Variants in HIPK1 observed in about 807,000 individuals in gnomAD.
HIPK1 encodes homeodomain interacting protein kinase 1, also known as homeodomain-interacting protein kinase 1.
A neutral mutation model predicts 117.1 loss-of-function variants in HIPK1; 28 were observed. The ratio of observed to expected loss-of-function variants is 0.24; its 90% confidence interval spans 0.18 to 0.33. HIPK1 has a LOEUF of 0.33. HIPK1 is among the 10% of genes least tolerant of loss of function. The pLI, the probability that HIPK1 is intolerant of heterozygous loss-of-function variation, is 1.00. For missense variants in HIPK1, 1,122 were observed against 1,475.1 expected, an observed-to-expected ratio of 0.76 and a Z score of 3.92; for synonymous variants, 605 against 562.5, an observed-to-expected ratio of 1.08 and a Z score of -1.07.
rs764923136 is a variant in HIPK1, at chr1:113,967,781, T to G, written c.2397T>G (p.His799Gln). ...QLADWRNAHS[H>Q]GNQYSTIMQQ... ...GTTGGTACAGGAATGCCCACTCTCA[T>G]GGCAACCAGTACAGCACTATCATGC... The change falls in exon 12 of 16, where the codon CAT becomes CAG. Residue 799 changes from histidine to glutamine, a missense_variant. This residue lies in a region of HIPK1 where 731 missense variants were observed against 860.4 expected (regional missense o/e 0.85). Coordinates refer to ENST00000426820, the MANE Select transcript of HIPK1 (RefSeq NM_198268.3). 33 of 1,536,726 alleles carry G rather than the reference T, an allele frequency of 2.1e-5. No homozygotes were observed. The East Asian group carries it at 7.5e-4, about 35-fold the overall frequency.
Position 113,940,811 on chromosome 1 carries a change from C to T in HIPK1, c.428C>T (p.Pro143Leu), listed in dbSNP as rs755515127. 6 of 1,614,004 alleles carry T rather than the reference C, an allele frequency of 3.7e-6. No individual in the cohort carries two copies. The East Asian group carries it at 1.3e-4, about 36-fold the overall frequency. Reference protein sequence around the residue: ...NGSVQIIEEHPPLMLQNRTVV... With the variant: ...NGSVQIIEEHLPLMLQNRTVV... ...AGTGTGCAGATCATAGAAGAACATC[C>T]CCCTCTCATGCTGCAAAACAGGACT... Residue 143 changes from proline to leucine, a missense_variant, in exon 2 of 16, where the codon CCC becomes CTC. Physicochemically the swap from Pro to Leu is moderately conservative, Grantham distance 98. Transcript: ENST00000426820.
In HIPK1 at chr1:113,941,548, A is replaced by G. The variant is rs1334572788; in HGVS notation, c.1076+89A>G. 1.0e-6 allele frequency: 1 copy of G among 973,898 alleles called. No individual in the cohort carries two copies. The highest frequency in any genetic ancestry group is 1.5e-6 in the Non-Finnish European group (1 of 648,312). 60.3% of individuals were successfully genotyped at this position (973,898 alleles called of 1,614,324 possible). On this transcript the variant is annotated intron_variant, in intron 2 of 15. Transcript: ENST00000426820. This position sits in a 1 kb window ranked among gnomAD's most constrained non-coding sequence, Gnocchi z 4.9. The stretch of plus-strand genomic sequence containing the variant: ...CCCCGTAGGCTACATATAGCAATGA[A>G]TTTGTTTATAGATTCTGAGATAGAA...
intron 2 of HIPK1, among the ~76,000 whole-genome samples, chr1:113,946,128 G>C (rs1188419124): frequency 6.6e-6 from 1 of 152,130 alleles, no homozygotes; most frequent in East Asian, 1.9e-4. Context: ...TTTATGCCTT[G>C]GGAGATTTAG....
Position 113,944,376 on chromosome 1 carries a change from C to T in HIPK1, c.1076+2917C>T, listed in dbSNP as rs565561500. ...ATGGGGTTTTACCATGTTGGCCAGG[C>T]TGGTCTCGAACTCCTGACCTCAGGT... On this transcript the variant is annotated intron_variant, in intron 2 of 15. Transcript: ENST00000426820. 1.2e-4 allele frequency among the ~76,000 whole-genome samples: 18 copies of T among 151,436 alleles called. No homozygotes were observed. The East Asian group carries it at 3.3e-3, about 28-fold the overall frequency.
At position 113,967,307 on chromosome 1, in the gene HIPK1, C is replaced by T. The variant is rs965017478; in HGVS notation, c.2382-459C>T. On this transcript the variant is annotated intron_variant, in intron 11 of 15. Coordinates refer to ENST00000426820, the MANE Select transcript of HIPK1 (RefSeq NM_198268.3). ...TTTTTACAGGAACCTCCAAACTGTTCTCCATAATAGTTGTACTAACTTACA... is the reference window on the plus strand; with the variant it reads ...TTTTTACAGGAACCTCCAAACTGTTTTCCATAATAGTTGTACTAACTTACA... Among the ~76,000 whole-genome samples the T allele has an allele frequency of 3.9e-4, 60 of 152,152 alleles. 1 individual carries two copies. Among genetic ancestry groups the T allele is most frequent in the Non-Finnish European group, 1.2e-4 (8 of 68,022 alleles).
chr1:113,960,301 G>A (rs916890968), intron 8 of HIPK1, among the ~76,000 whole-genome samples: 2 of 152,252 alleles, frequency 1.3e-5, no homozygotes, highest in South Asian at 2.1e-4. Context: ...GTCAGGAACC[G>A]GGGAGAACCT....
intron 10 of HIPK1, among the ~76,000 whole-genome samples, chr1:113,964,239 A>G (rs1558145360): frequency 6.6e-6 from 1 of 152,226 alleles, no homozygotes; most frequent in Non-Finnish European, 1.5e-5. Context: ...GGAATTAATT[A>G]TTTTACAAAT....
chr1:113,949,752 C>G (rs1671230244), intron 2 of HIPK1, among the ~76,000 whole-genome samples: 1 of 152,014 alleles, frequency 6.6e-6, no homozygotes, highest in African/African-American at 2.4e-5. Flanking sequence ...GTGCCCGCCA[C>G]CACACCTGGC....
At chr1:113,942,221 C>T (rs1040672859) in intron 2 of HIPK1, among the ~76,000 whole-genome samples, 33 of 151,972 alleles carry the variant, frequency 2.2e-4, no homozygotes, top group Admixed American at 1.1e-3. Flanking sequence ...CTACCACGCC[C>T]GGCTAATTTT....
chr1:113,963,647 T>G, intron 10 of HIPK1, 126 bp downstream of exon 10: 1 of 1,090,260 alleles, frequency 9.2e-7, no homozygotes, highest in Non-Finnish European at 1.3e-6. Flanking sequence ...TTTAGCTTAG[T>G]CTTTGCAGAG....
Position 113,957,162 on chromosome 1 carries a change from G to A in HIPK1, c.1631G>A (p.Arg544Gln), listed in dbSNP as rs763951122. 8.1e-6 allele frequency: 13 copies of A among 1,613,494 alleles called. No homozygotes were observed. Among genetic ancestry groups the A allele is most frequent in the African/African-American group, 6.7e-5 (5 of 74,872 alleles). Residue 544 changes from arginine to glutamine, a missense_variant, in exon 7 of 16, where the codon CGG becomes CAG. This residue lies in a region of HIPK1 where 731 missense variants were observed against 860.4 expected (regional missense o/e 0.85). Transcript: ENST00000426820. ...SCFQNMEICK[R>Q]RVHMYDTVSQ... Reference sequence around the variant, plus strand: ...TTTCAGAACATGGAGATCTGCAAGCGGAGGGTTCACATGTATGATACAGTG... The same window carrying A: ...TTTCAGAACATGGAGATCTGCAAGCAGAGGGTTCACATGTATGATACAGTG...
In HIPK1 at chr1:113,966,292, C is replaced by G. The variant is rs752283041; in HGVS notation, c.2381+20C>G. 6.2e-7 allele frequency: 1 copy of G among 1,602,246 alleles called. No homozygotes were observed. The highest frequency in any genetic ancestry group is 2.3e-5 in the East Asian group (1 of 44,336). On this transcript the variant is annotated intron_variant, in intron 11 of 15. Transcript: ENST00000426820. ...CTGGAGGCAAGTGTCCTGTGTTACT[C>G]TGGGAGATTTGTAAGGGCCGATCCC... is the stretch of plus-strand genomic sequence containing the variant.
intron 1 of HIPK1, among the ~76,000 whole-genome samples, chr1:113,930,276 C>T (rs919311137): frequency 1.3e-5 from 2 of 152,246 alleles, no homozygotes; most frequent in Non-Finnish European, 2.9e-5. Context: ...CCCCGGCTGT[C>T]GTGGCAGGTT....
rs1039993479 is a variant in HIPK1, at chr1:113,941,470, A to G, written c.1076+11A>G. The stretch of plus-strand genomic sequence containing the variant: ...GTCACGTTACTACAGGCAAGTGGCA[A>G]ATGCTGAAAATCGTATCTTAGGCTA... On this transcript the variant is annotated intron_variant, in intron 2 of 15. Coordinates refer to ENST00000426820, the MANE Select transcript of HIPK1 (RefSeq NM_198268.3). The surrounding 1 kb of genome is among the most constrained non-coding windows in gnomAD (Gnocchi z 4.9). 2.0e-5 allele frequency: 32 copies of G among 1,597,418 alleles called. No individual in the cohort carries two copies. Among genetic ancestry groups the G allele is most frequent in the Admixed American group, 3.4e-5 (2 of 59,376 alleles).
In HIPK1 at chr1:113,966,255, G is replaced by A; in HGVS notation, c.2364G>A (p.Gln788=). The change falls in exon 11 of 16, where the codon CAG becomes CAA. Residue 788 remains glutamine (Q), a synonymous_variant. Transcript: ENST00000426820. ...TTCCAGAGGCCATGGGGAGTGGACA[G>A]CAGCTAGCTGACTGGAGGCAAGTGT... The part of the protein sequence containing the change: ...AMIPEAMGSG[Q]QLADWRNAHS... The A allele has an allele frequency of 6.2e-7, 1 of 1,613,290 alleles. No individual in the cohort carries two copies. The highest frequency in any genetic ancestry group is 1.6e-4 in the Middle Eastern group (1 of 6,062).
At position 113,974,150 on chromosome 1, in the gene HIPK1, C is replaced by T. The variant is rs58098497; in HGVS notation, c.*638C>T. On this transcript the variant is annotated 3_prime_UTR_variant, in exon 16 of 16. Coordinates refer to ENST00000426820, the MANE Select transcript of HIPK1 (RefSeq NM_198268.3). Reference sequence around the variant, plus strand: ...TTTTTGCAAAACTGGTTACGTATTACTCTGTGTTACTATTGAGATTCTCTC... The same window carrying T: ...TTTTTGCAAAACTGGTTACGTATTATTCTGTGTTACTATTGAGATTCTCTC... 1 of 152,352 alleles carries T rather than the reference C, an allele frequency of 6.6e-6. No homozygotes were observed. The highest frequency in any genetic ancestry group is 1.9e-4 in the East Asian group (1 of 5,322). 9.4% of individuals were successfully genotyped at this position (152,352 alleles called of 1,614,324 possible).
intron 8 of HIPK1, among the ~76,000 whole-genome samples, chr1:113,958,656 T>C (rs1161297606): frequency 6.6e-6 from 1 of 152,230 alleles, no homozygotes; most frequent in African/African-American, 2.4e-5. Flanking sequence ...TGCTAAATAT[T>C]GGATCTTATT....
intron 10 of HIPK1, 84 bp downstream of exon 10, chr1:113,963,605 GT>G (rs944530986): frequency 5.3e-6 from 8 of 1,501,804 alleles, no homozygotes; most frequent in Non-Finnish European, 7.1e-6. Flanking sequence ...TTTTTGTTCT[GT>G]TTTTTTCTGG....
intron 13 of HIPK1, 89 bp from the exon 14 acceptor site, chr1:113,969,867 A>G (rs1672703800): frequency 7.0e-7 from 1 of 1,435,044 alleles, no homozygotes; most frequent in Non-Finnish European, 9.6e-7. Flanking sequence ...TGATCACTCC[A>G]CTGCACTCCA....
Sources: allele counts gnomAD v4.1 joint callset (sites outside exome capture counted in the v4.1 genomes callset), GRCh38; gene constraint gnomAD v4.1.1; regional missense constraint gnomAD v4.1.1; non-coding constraint Gnocchi (gnomAD v3.1); transcripts MANE v1.5; gene names NCBI Gene and HGNC (gene_info 2026-07-23, HGNC 2026-07-21).